NLRP8: variants seen among roughly 807,000 people sequenced by gnomAD.
NLRP8 encodes NLR family pyrin domain containing 8, also known as NACHT, LRR and PYD domains-containing protein 8.
A neutral mutation model predicts 88.7 loss-of-function variants in NLRP8; 86 were observed. The observed-to-expected ratio is 0.97, with a 90% confidence interval of 0.81 to 1.16. NLRP8 has a LOEUF of 1.16. NLRP8 is among the 50% of genes most tolerant of loss of function. NLRP8 has a pLI of 0.00. For synonymous variants in NLRP8, 504 were observed against 494.6 expected (o/e 1.02, Z -0.25); for missense variants, 1,342 against 1,286.5 (o/e 1.04, Z -0.66).
chr19:55,962,386 G>A, intron 4 of NLRP8, 149 bp downstream of exon 4: 1 of 823,558 alleles, frequency 1.2e-6, no homozygotes, highest in East Asian at 2.7e-5. Flanking sequence ...ATGAGTCATG[G>A]GGTGCGTGGT....
At position 55,952,501 on chromosome 19, in the gene NLRP8, T is replaced by A. The variant is rs201360441; in HGVS notation, c.368-37T>A. 3.5e-5 allele frequency: 55 copies of A among 1,564,136 alleles called. No individual in the cohort carries two copies. The East Asian group carries it at 1.1e-3, about 32-fold the overall frequency. On this transcript the variant is annotated intron_variant, in intron 1 of 9. Coordinates refer to ENST00000291971, the MANE Select transcript of NLRP8 (RefSeq NM_176811.2). ...CTGTTTCCCTGCTACCAAGATCTTATCATTCCCGTGGAACAGCCTCCTTTT... is the reference window on the plus strand; with the variant it reads ...CTGTTTCCCTGCTACCAAGATCTTAACATTCCCGTGGAACAGCCTCCTTTT...
chr19:55,960,510 C>T (rs566822081), intron 3 of NLRP8, among the ~76,000 whole-genome samples: 23 of 152,290 alleles, frequency 1.5e-4, no homozygotes, highest in African/African-American at 5.3e-4. Context: ...AGAATCTAAG[C>T]ACAGTGAATC....
chr19:55,979,495 T>C lies in NLRP8; in HGVS notation c.2978T>C (p.Ile993Thr), dbSNP rs1980484750. The C allele has an allele frequency of 6.2e-7, 1 of 1,614,222 alleles. No individual in the cohort carries two copies. The highest frequency in any genetic ancestry group is 1.7e-5 in the Admixed American group (1 of 60,018). The change falls in exon 9 of 10, where the codon ATT becomes ACT. Residue 993 changes from isoleucine (I) to threonine (T), a missense_variant. Coordinates refer to ENST00000291971, the MANE Select transcript of NLRP8 (RefSeq NM_176811.2). ...CATCTGGACTTGAGCAAGAATGCGA[T>C]TGGAGTCTATGGTATTCTGACCTTG...
In NLRP8 at chr19:55,988,440, G is replaced by GTATATATATATATATATATATA. The variant is rs1445801696; in HGVS notation, c.*528_*529insATATATATATATATATATATAT. 9.9e-6 allele frequency: 1 copy of GTATATATATATATATATATATA among 100,558 alleles called. No homozygotes were observed. Among genetic ancestry groups the GTATATATATATATATATATATA allele is most frequent in the Non-Finnish European group, 2.0e-5 (1 of 50,116 alleles). The allele number at this position is 100,558 out of a possible 1,614,324, so 6.2% of individuals were successfully genotyped here. ...TATACACATAAATATATATATGTGT[G>GTATATATATATATATATATATA]TGTGTATATATATATATATATATAT... On this transcript the variant is annotated 3_prime_UTR_variant, in exon 10 of 10. Transcript: ENST00000291971.
chr19:55,951,339 ATGT>A (rs1286337646), intron 1 of NLRP8, among the ~76,000 whole-genome samples: 1 of 152,208 alleles, frequency 6.6e-6, no homozygotes, highest in African/African-American at 2.4e-5. Context: ...GTCCATGAAA[ATGT>A]TGTAACCAGA....
intron 8 of NLRP8, 51 bp downstream of exon 8, chr19:55,976,354 C>T (rs373229085): frequency 2.5e-5 from 36 of 1,448,634 alleles, no homozygotes; most frequent in East Asian, 1.7e-4. Flanking sequence ...TGTATATAAG[C>T]GTCTCTCAGG....
At chr19:55,985,998 C>CA (rs1275123031) in intron 9 of NLRP8, among the ~76,000 whole-genome samples, 2 of 151,284 alleles carry the variant, frequency 1.3e-5, no homozygotes, top group East Asian at 1.9e-4. Flanking sequence ...GACTCCACAT[C>CA]AAAAAAAACT....
Position 55,976,158 on chromosome 19 carries a change from A to G in NLRP8, c.2731A>G (p.Asn911Asp). ...ACTGAGAAAGTGTGACTTGACCTTT[A>G]ATTGCTGTCAGGATATGATCTCTGC... The change falls in exon 8 of 10, where the codon AAT becomes GAT. Residue 911 changes from asparagine (N) to aspartate (D), a missense_variant. Coordinates refer to ENST00000291971, the MANE Select transcript of NLRP8 (RefSeq NM_176811.2). 1 of 1,607,988 alleles carries G rather than the reference A, an allele frequency of 6.2e-7. No homozygotes were observed. The highest frequency in any genetic ancestry group is 1.3e-5 in the African/African-American group (1 of 74,688).
At chr19:55,952,440 G>C in intron 1 of NLRP8, 98 bp from the exon 2 acceptor site, 1 of 886,812 alleles carries the variant, frequency 1.1e-6, no homozygotes. Flanking sequence ...GAAGCCATGT[G>C]GCTGCTTCTG....
At chr19:55,971,917 C>T (rs562847830) in intron 6 of NLRP8, among the ~76,000 whole-genome samples, 10 of 152,108 alleles carry the variant, frequency 6.6e-5, no homozygotes, top group East Asian at 5.8e-4. Flanking sequence ...TGATTACTAG[C>T]GACTATTTTT....
rs1980933871 is a variant in NLRP8, at chr19:55,987,987, T to C, written c.*74T>C. 1 of 1,098,118 alleles carries C rather than the reference T, an allele frequency of 9.1e-7. No individual in the cohort carries two copies. The highest frequency in any genetic ancestry group is 1.4e-6 in the Non-Finnish European group (1 of 716,006). 68.0% of individuals were successfully genotyped at this position (1,098,118 alleles called of 1,614,324 possible). On this transcript the variant is annotated 3_prime_UTR_variant, in exon 10 of 10. Coordinates refer to ENST00000291971, the MANE Select transcript of NLRP8 (RefSeq NM_176811.2). ...GACAACTGGCAAATACCAGGCGTTA[T>C]CATCCTGTATGCATTAACGTACTTT...
intron 4 of NLRP8, 75 bp from the exon 5 acceptor site, chr19:55,966,138 C>T: frequency 7.0e-7 from 1 of 1,436,050 alleles, no homozygotes; most frequent in Non-Finnish European, 9.7e-7. Context: ...CTTCCGGGAG[C>T]CTCGTTTGTG....
rs1568464017 is a variant in NLRP8 at position 55,966,212 on chromosome 19, G to GCCTA, written c.2214_2217dup (p.Arg740ProfsTer6). The stretch of plus-strand genomic sequence containing the variant: ...CCAAGGAGACGCTCTTCCCTCTCCA[G>GCCTA]CCTAAGGCGTGTGAATAGCACCATG... On this transcript the variant is annotated frameshift_variant and splice_region_variant. Coordinates refer to ENST00000291971, the MANE Select transcript of NLRP8 (RefSeq NM_176811.2). LOFTEE classifies it high-confidence loss of function. 2 of 1,613,900 alleles carry GCCTA rather than the reference G, an allele frequency of 1.2e-6. No individual in the cohort carries two copies. Among genetic ancestry groups the GCCTA allele is most frequent in the South Asian group, 2.2e-5 (2 of 91,060 alleles).
Position 55,955,164 on chromosome 19 carries a change from A to G in NLRP8, c.1106A>G (p.Tyr369Cys), listed in dbSNP as rs754968142. ...GAAAAAATCAAGTATTTCCAGATGT[A>G]TTTTGGACACACAGAGGAGGGAGAC... The change falls in exon 3 of 10, where the codon TAT becomes TGT. Residue 369 changes from tyrosine to cysteine, a missense_variant. Physicochemically the swap from Tyr to Cys is radical, Grantham distance 194 (BLOSUM62 -2). Coordinates refer to ENST00000291971, the MANE Select transcript of NLRP8 (RefSeq NM_176811.2). 1 of 1,613,932 alleles carries G rather than the reference A, an allele frequency of 6.2e-7. No homozygotes were observed. Among genetic ancestry groups the G allele is most frequent in the African/African-American group, 1.3e-5 (1 of 74,914 alleles).
Position 55,976,237 on chromosome 19 carries a change from A to G in NLRP8, c.2810A>G (p.Lys937Arg), listed in dbSNP as rs306481. 0.57 allele frequency: 914,386 copies of G among 1,612,530 alleles called. 261,192 individuals are homozygous for G. Among genetic ancestry groups the G allele is most frequent in the East Asian group, 0.67 (29,801 of 44,808 alleles). ...CTTGACCTAAGTTTTAATAGCCTGA[A>G]GGATGATGGGGTGATCCTGCTGTGT... The change falls in exon 8 of 10, where the codon AAG (lysine) becomes AGG (arginine). Residue 937 changes from lysine (K) to arginine (R), a missense_variant. Transcript: ENST00000291971.
Position 55,955,267 on chromosome 19 carries a change from C to G in NLRP8, c.1209C>G (p.Cys403Trp). 6 of 1,614,186 alleles carry G rather than the reference C, an allele frequency of 3.7e-6. No individual in the cohort carries two copies. Among genetic ancestry groups the G allele is most frequent in the Non-Finnish European group, 5.1e-6 (6 of 1,180,048 alleles). Residue 403 changes from cysteine to tryptophan, a missense_variant, in exon 3 of 10, where the codon TGC becomes TGG. Cys to Trp is a radical substitution (Grantham distance 215). Coordinates refer to ENST00000291971, the MANE Select transcript of NLRP8 (RefSeq NM_176811.2). ...TCCCTGTGGTTTGCTGGATGGTCTG[C>G]TCTGGTCTGAAACAGCAAATGGAGA...
intron 6 of NLRP8, 79 bp from the exon 7 acceptor site, chr19:55,973,573 C>G (rs891156827): frequency 1.5e-5 from 20 of 1,324,862 alleles, no homozygotes; most frequent in African/African-American, 2.9e-5. Context: ...AGAGGGAGAG[C>G]CCTGACTGAG....
At chr19:55,964,935 C>T (rs1296166488) in intron 4 of NLRP8, among the ~76,000 whole-genome samples, 2 of 151,970 alleles carry the variant, frequency 1.3e-5, no homozygotes, top group African/African-American at 4.8e-5. Context: ...GAAAGAGATT[C>T]AGCAGTGAAC....
chr19:55,953,819 T>TA (rs1555754403), intron 2 of NLRP8, among the ~76,000 whole-genome samples: 4 of 140,962 alleles, frequency 2.8e-5, no homozygotes, highest in East Asian at 4.3e-4. Context: ...TTTTTTTTTT[T>TA]AAGACAGAGT....
Sources: allele counts gnomAD v4.1 joint callset (sites outside exome capture counted in the v4.1 genomes callset), GRCh38; gene constraint gnomAD v4.1.1; transcripts MANE v1.5; gene names NCBI Gene and HGNC (gene_info 2026-07-23, HGNC 2026-07-21).